The following IRAK1BP1 variants were observed in gnomAD, a reference collection of about 807,000 sequenced individuals.
The protein encoded by IRAK1BP1 is interleukin 1 receptor associated kinase 1 binding protein 1.
IRAK1BP1 carries 24 observed loss-of-function variants against 28.0 expected under a neutral mutation model. That is an observed-to-expected ratio of 0.86 (90% confidence interval 0.62 to 1.20). The LOEUF is 1.20. IRAK1BP1 is among the 50% of genes most tolerant of loss of function. The probability of loss-of-function intolerance (pLI) is 0.00; values close to 1 mark genes in which losing one functional copy is unlikely to be tolerated. For synonymous variants in IRAK1BP1, 131 were observed against 116.3 expected, an observed-to-expected ratio of 1.13 and a Z score of -0.81; for missense variants, 336 against 316.7, an observed-to-expected ratio of 1.06 and a Z score of -0.46.
chr6:78,970,807 G>GT, the IRAK1BP1 span: 1 of 1,608,868 alleles, frequency 6.2e-7, no homozygotes, highest in South Asian at 1.1e-5. Context: ...TGCCATGGTT[G>GT]TTTTTTGGGA....
intron 4 of IRAK1BP1, among the ~76,000 whole-genome samples, chr6:78,924,586 A>C (rs1772835664): frequency 6.6e-6 from 1 of 152,208 alleles, no homozygotes; most frequent in African/African-American, 2.4e-5. Flanking sequence ...CATCATCCTG[A>C]TACCAAAGCC....
the IRAK1BP1 span, among the ~76,000 whole-genome samples, chr6:78,964,173 T>C: frequency 2.0e-5 from 3 of 152,126 alleles, no homozygotes; most frequent in Non-Finnish European, 4.4e-5. Context: ...TGGTTACCAA[T>C]TGATTTAAGA....
At chr6:78,958,342 C>A in the IRAK1BP1 span, 1 of 585,652 alleles carries the variant, frequency 1.7e-6, no homozygotes, top group Middle Eastern at 4.7e-4. Flanking sequence ...CAGTCTAATG[C>A]TCTCCCAGCT....
chr6:78,973,059 C>A, the IRAK1BP1 span, among the ~76,000 whole-genome samples: 1 of 152,024 alleles, frequency 6.6e-6, no homozygotes, highest in Admixed American at 6.6e-5. Flanking sequence ...AAGAGCAACT[C>A]CAAGACACAT....
intron 4 of IRAK1BP1, among the ~76,000 whole-genome samples, chr6:78,916,349 G>C (rs556650729): frequency 2.4e-4 from 36 of 152,048 alleles, no homozygotes; most frequent in Non-Finnish European, 8.8e-5. Flanking sequence ...TTGGTGGTCT[G>C]TACACTGGCC....
intron 1 of IRAK1BP1, among the ~76,000 whole-genome samples, chr6:78,885,040 T>C (rs1425969949): frequency 2.6e-5 from 4 of 152,072 alleles, no homozygotes; most frequent in African/African-American, 9.7e-5. Flanking sequence ...ACATAAAGGA[T>C]TTGAAATGCT....
the IRAK1BP1 span, among the ~76,000 whole-genome samples, chr6:78,977,597 C>G: frequency 6.6e-6 from 1 of 152,090 alleles, no homozygotes; most frequent in Admixed American, 6.6e-5. Flanking sequence ...GACCTTCAAG[C>G]ACCAGCAGCT....
intron 4 of IRAK1BP1, among the ~76,000 whole-genome samples, chr6:78,942,995 GAA>G (rs1773581011): frequency 6.6e-6 from 1 of 152,074 alleles, no homozygotes; most frequent in African/African-American, 2.4e-5. Context: ...CTGGGCACAT[GAA>G]AAGTTATGCA....
At chr6:78,973,813 CAAG>C in the IRAK1BP1 span, among the ~76,000 whole-genome samples, 1 of 151,804 alleles carries the variant, frequency 6.6e-6, no homozygotes, top group African/African-American at 2.4e-5. Context: ...GTCAATTCAA[CAAG>C]AAGAGCTAAC....
the IRAK1BP1 span, chr6:78,970,017 A>T: frequency 6.2e-7 from 1 of 1,609,918 alleles, no homozygotes; most frequent in Non-Finnish European, 8.5e-7. Flanking sequence ...TACAATACTA[A>T]GAAAACCATT....
chr6:78,943,700 T>C (rs1031273160), intron 4 of IRAK1BP1, among the ~76,000 whole-genome samples: 39 of 152,014 alleles, frequency 2.6e-4, no homozygotes, highest in Non-Finnish European at 7.4e-5. Context: ...AAGATGGAAG[T>C]GCTTGGCTGG....
exon 5 of IRAK1BP1, chr6:78,945,533 T>C: frequency 7.9e-7 from 1 of 1,270,918 alleles, no homozygotes; most frequent in Non-Finnish European, 1.1e-6. Context: ...AATTAAGAGT[T>C]ATTGAACCTA....
At chr6:78,916,067 C>A (rs1772551707) in intron 4 of IRAK1BP1, among the ~76,000 whole-genome samples, 2 of 152,164 alleles carry the variant, frequency 1.3e-5, no homozygotes, top group African/African-American at 4.8e-5. Flanking sequence ...GCAAGCAGCT[C>A]AAGGGCCCAG....
At chr6:78,940,169 T>C (rs1773415758) in intron 4 of IRAK1BP1, 1 of 152,054 alleles carries the variant, frequency 6.6e-6, no homozygotes, top group Non-Finnish European at 1.5e-5. Flanking sequence ...GGGTATCAAA[T>C]GGTGGAAATT....
intron 1 of IRAK1BP1, among the ~76,000 whole-genome samples, chr6:78,873,856 TTG>T (rs1470904010): frequency 6.6e-6 from 1 of 152,212 alleles, no homozygotes; most frequent in Non-Finnish European, 1.5e-5. Context: ...GGAATTTACT[TTG>T]GTATAAGGAT....
intron 2 of IRAK1BP1, among the ~76,000 whole-genome samples, chr6:78,893,314 G>GTATACATATA: frequency 9.7e-6 from 1 of 103,432 alleles, no homozygotes; most frequent in East Asian, 4.5e-4. Flanking sequence ...GTGTGTGTGT[G>GTATACATATA]TATATATATA....
chr6:78,871,911 A>G lies in IRAK1BP1; in HGVS notation c.315+4020A>G, dbSNP rs534565740. 1.5e-5 allele frequency: 8 copies of G among 528,982 alleles called. No individual in the cohort carries two copies. The East Asian group carries it at 1.6e-4, about 11-fold the overall frequency. 32.8% of individuals were successfully genotyped at this position (528,982 alleles called of 1,614,324 possible). A position where few individuals can be genotyped will look rare whatever the true frequency, so the allele number is the denominator to read the frequency against. ...TTGTGTGCATGCAGGCCCAGCTTCC[A>G]TCTGACAACATTTGTAAATTCTTTG... On this transcript the variant is annotated intron_variant, in intron 1 of 3. Coordinates refer to ENST00000369940, the MANE Select transcript of IRAK1BP1 (RefSeq NM_001010844.4).
intron 2 of IRAK1BP1, among the ~76,000 whole-genome samples, chr6:78,887,744 C>G (rs927801416): frequency 4.0e-5 from 6 of 151,816 alleles, no homozygotes; most frequent in Non-Finnish European, 7.4e-5. Flanking sequence ...AACCCTTGTG[C>G]CCTGCAGGTG....
chr6:78,877,632 AGACAGTGGGTGCGG>A (rs1163771979), intron 1 of IRAK1BP1, among the ~76,000 whole-genome samples: 1 of 152,192 alleles, frequency 6.6e-6, no homozygotes, highest in Non-Finnish European at 1.5e-5. Flanking sequence ...AGGGCTTGTC[AGACAGTGGGTGCGG>A]GACAGTGGGT....
Sources: allele counts gnomAD v4.1 joint callset (sites outside exome capture counted in the v4.1 genomes callset), GRCh38; gene constraint gnomAD v4.1.1; transcripts MANE v1.5; gene names NCBI Gene and HGNC (gene_info 2026-07-23, HGNC 2026-07-21).